CTIF: variants seen among roughly 807,000 people sequenced by gnomAD.
The protein encoded by CTIF is cap binding complex dependent translation initiation factor, also known as CBP80/20-dependent translation initiation factor.
A neutral mutation model predicts 66.0 loss-of-function variants in CTIF; 21 were observed. That is an observed-to-expected ratio of 0.32 (90% CI 0.23 to 0.46). The LOEUF (loss-of-function observed/expected upper bound fraction) is 0.46, where lower values mean the gene tolerates loss of function less well. Among genes scored for constraint, CTIF ranks in the 20% least tolerant of loss-of-function variants. The pLI, the probability that CTIF is intolerant of heterozygous loss-of-function variation, is 1.00. For synonymous variants in CTIF, 345 were observed against 326.4 expected (o/e 1.06, Z -0.62); for missense variants, 739 against 812.7 (o/e 0.91, Z 1.10).
At chr18:48,682,625 T>A (rs2091766094) in intron 6 of CTIF, among the ~76,000 whole-genome samples, 1 of 152,170 alleles carries the variant, frequency 6.6e-6, no homozygotes, top group African/African-American at 2.4e-5. Context: ...GCTGCTGAGA[T>A]TTTTGGTTGG....
At chr18:48,699,516 C>T (rs992128857) in intron 6 of CTIF, among the ~76,000 whole-genome samples, 1 of 152,184 alleles carries the variant, frequency 6.6e-6, no homozygotes, top group Non-Finnish European at 1.5e-5. Flanking sequence ...TGGACACGGC[C>T]TGGGAGCTTA....
chr18:48,786,485 A>T (rs114431760), intron 9 of CTIF, among the ~76,000 whole-genome samples: 101 of 152,350 alleles, frequency 6.6e-4, no homozygotes, highest in African/African-American at 2.4e-3. Context: ...CTTCATCTGC[A>T]TGATGGGGTG....
intron 1 of CTIF, among the ~76,000 whole-genome samples, chr18:48,609,420 G>C (rs1235643731): frequency 1.3e-5 from 2 of 152,194 alleles, no homozygotes; most frequent in Non-Finnish European, 2.9e-5. Flanking sequence ...TTGTGAAGTC[G>C]AGTGACAATT....
intron 9 of CTIF, among the ~76,000 whole-genome samples, chr18:48,812,090 G>A (rs1487374654): frequency 6.6e-6 from 1 of 152,138 alleles, no homozygotes; most frequent in Admixed American, 6.5e-5. Flanking sequence ...AGCCTCCCGA[G>A]TAGCTTGGAT....
chr18:48,573,609 TC>T (rs2089467991), intron 1 of CTIF, among the ~76,000 whole-genome samples: 1 of 152,192 alleles, frequency 6.6e-6, no homozygotes, highest in African/African-American at 2.4e-5. Flanking sequence ...CACTTTTGAA[TC>T]CCTCTAATTA....
chr18:48,653,309 A>G (rs985845797), intron 3 of CTIF, among the ~76,000 whole-genome samples: 9 of 152,224 alleles, frequency 5.9e-5, no homozygotes, highest in African/African-American at 2.2e-4. Context: ...ATGTGCAAAA[A>G]TCACAAGCAT....
At chr18:48,694,104 G>T (rs2091972705) in intron 6 of CTIF, among the ~76,000 whole-genome samples, 1 of 152,348 alleles carries the variant, frequency 6.6e-6, no homozygotes, top group East Asian at 1.9e-4. Context: ...CTGTTGGGGT[G>T]GCAGGTGCTG....
chr18:48,826,537 C>T (rs534921766), intron 10 of CTIF: 1 of 152,424 alleles, frequency 6.6e-6, no homozygotes, highest in East Asian at 1.9e-4. Flanking sequence ...TTACAACATC[C>T]TATAGAACTA....
At chr18:48,659,778 G>T (rs370925448) in intron 3 of CTIF, among the ~76,000 whole-genome samples, 8 of 152,080 alleles carry the variant, frequency 5.3e-5, no homozygotes, top group Non-Finnish European at 1.2e-4. Context: ...CTGGTGCCGA[G>T]TTTTCCAGCC....
chr18:48,683,822 G>A (rs1294649234), intron 6 of CTIF, among the ~76,000 whole-genome samples: 4 of 152,184 alleles, frequency 2.6e-5, no homozygotes, highest in Non-Finnish European at 4.4e-5. Context: ...GGTAAATGGT[G>A]GCTCCTTGTC....
intron 9 of CTIF, among the ~76,000 whole-genome samples, chr18:48,764,118 C>G (rs777020672): frequency 1.3e-5 from 2 of 152,212 alleles, no homozygotes; most frequent in Non-Finnish European, 2.9e-5. Context: ...GCACCTCCCC[C>G]TGAAGCATCT....
chr18:48,804,541 G>T (rs1030542644), intron 9 of CTIF, among the ~76,000 whole-genome samples: 2 of 152,214 alleles, frequency 1.3e-5, no homozygotes, highest in Non-Finnish European at 2.9e-5. Context: ...GGGCGGCCAG[G>T]TCCGAGGCAG....
At chr18:48,588,958 C>G (rs916256431) in intron 1 of CTIF, among the ~76,000 whole-genome samples, 6 of 152,152 alleles carry the variant, frequency 3.9e-5, no homozygotes, top group African/African-American at 1.4e-4. Flanking sequence ...TCTACATGTA[C>G]CCGGCGCCCC....
intron 1 of CTIF, among the ~76,000 whole-genome samples, chr18:48,553,660 CTTT>C (rs1276662351): frequency 2.3e-5 from 3 of 132,304 alleles, no homozygotes; most frequent in African/African-American, 3.4e-5. Flanking sequence ...TTTCTTTTTC[CTTT>C]TTTTTTTTTT....
chr18:48,608,198 G>A lies in CTIF; in HGVS notation c.-28-11340G>A, dbSNP rs73956948. Among the ~76,000 whole-genome samples, 494 of 152,280 alleles carry A rather than the reference G, an allele frequency of 3.2e-3. 1 individual carries two copies. The highest frequency in any genetic ancestry group is 0.011 in the African/African-American group (476 of 41,548). On this transcript the variant is annotated intron_variant, in intron 1 of 11. Coordinates refer to ENST00000256413, the MANE Select transcript of CTIF (RefSeq NM_014772.3). ...TATGGGTCTGCAGAGAACTGGGGTT[G>A]ATTGCCTGGTCTGAAGGGGACAGCA...
At chr18:48,837,689 T>C (rs142169777) in intron 10 of CTIF, among the ~76,000 whole-genome samples, 2,024 of 152,228 alleles carry the variant, frequency 0.013, 24 homozygotes, top group Non-Finnish European at 0.018. Flanking sequence ...ACTATACAGA[T>C]TCCTAGGCCC....
chr18:48,824,199 TATAAC>T (rs1439858237), intron 10 of CTIF, among the ~76,000 whole-genome samples: 2 of 152,148 alleles, frequency 1.3e-5, no homozygotes, highest in African/African-American at 4.8e-5. Context: ...CACTGAAAAC[TATAAC>T]ATATTATTTT....
At chr18:48,604,005 T>C (rs1481505570) in intron 1 of CTIF, among the ~76,000 whole-genome samples, 2 of 151,658 alleles carry the variant, frequency 1.3e-5, no homozygotes, top group Admixed American at 6.6e-5. Flanking sequence ...CATGCCGCCA[T>C]GCCTGGCTAA....
chr18:48,722,460 A>G (rs756242208), intron 7 of CTIF, among the ~76,000 whole-genome samples: 2 of 151,956 alleles, frequency 1.3e-5, no homozygotes, highest in South Asian at 2.1e-4. Context: ...GCCTCAAGCA[A>G]TCCTCTCACC....
Sources: gnomAD v4.1 joint callset for allele counts (sites outside exome capture counted in the v4.1 genomes callset) on GRCh38, gnomAD v4.1.1 for gene constraint, MANE v1.5 for transcripts, NCBI Gene and HGNC (gene_info 2026-07-23, HGNC 2026-07-21) for gene names.